The following CAMTA1 variants were observed in gnomAD, a reference collection of about 807,000 sequenced individuals.
CAMTA1 encodes the protein calmodulin-binding transcription activator 1.
A neutral mutation model predicts 170.9 loss-of-function variants in CAMTA1; 27 were observed. The observed-to-expected ratio is 0.16, with a 90% CI of 0.12 to 0.22. The LOEUF (loss-of-function observed/expected upper bound fraction) is 0.22, where lower values mean the gene tolerates loss of function less well. CAMTA1 is among the 10% of genes least tolerant of loss of function. The probability of loss-of-function intolerance (pLI) is 1.00; values close to 1 mark genes in which losing one functional copy is unlikely to be tolerated. For synonymous variants in CAMTA1, 833 were observed against 891.5 expected, an observed-to-expected ratio of 0.93 and a Z score of 1.17; for missense variants, 1,619 against 2,217.2, an observed-to-expected ratio of 0.73 and a Z score of 5.42.
chr1:6,927,656 G>A (rs1683584679), intron 3 of CAMTA1, among the ~76,000 whole-genome samples: 1 of 152,150 alleles, frequency 6.6e-6, no homozygotes, highest in African/African-American at 2.4e-5. Context: ...CTTTACCATG[G>A]CCTGACATCC....
At chr1:7,135,781 G>C (rs116052338) in intron 4 of CAMTA1, among the ~76,000 whole-genome samples, 1 of 152,046 alleles carries the variant, frequency 6.6e-6, no homozygotes, top group Non-Finnish European at 1.5e-5. Flanking sequence ...TCTATCTGTC[G>C]TAATTCATGA....
At chr1:7,364,346 C>A (rs933009824) in intron 5 of CAMTA1, among the ~76,000 whole-genome samples, 1 of 152,146 alleles carries the variant, frequency 6.6e-6, no homozygotes, top group African/African-American at 2.4e-5. Context: ...GATCAAGACA[C>A]CAGCAGATTT....
Position 7,251,023 on chromosome 1 carries a change from G to A in CAMTA1, c.438+1397G>A, listed in dbSNP as rs1666550192. Reference sequence around the variant, plus strand: ...CTCATCTCCTACGCTGGAGGGAGAGGTAGAGAGTGAGGCAAGGCTGGGTGG... The same window carrying A: ...CTCATCTCCTACGCTGGAGGGAGAGATAGAGAGTGAGGCAAGGCTGGGTGG... On this transcript the variant is annotated intron_variant, in intron 5 of 22. Coordinates refer to ENST00000303635, the MANE Select transcript of CAMTA1 (RefSeq NM_015215.4). The surrounding 1 kb of genome is among the most constrained non-coding windows in gnomAD (Gnocchi z 5.1). 6.6e-6 allele frequency among the ~76,000 whole-genome samples: 1 copy of A among 152,190 alleles called. No individual in the cohort carries two copies. The highest frequency in any genetic ancestry group is 6.5e-5 in the Admixed American group (1 of 15,286).
chr1:6,905,786 G>T (rs1678330864), intron 3 of CAMTA1, among the ~76,000 whole-genome samples: 1 of 152,212 alleles, frequency 6.6e-6, no homozygotes, highest in Non-Finnish European at 1.5e-5. Context: ...GTTAGTGCCT[G>T]CATCTCTTAT....
chr1:7,261,220 A>G (rs1668113390), intron 5 of CAMTA1, among the ~76,000 whole-genome samples: 3 of 152,056 alleles, frequency 2.0e-5, no homozygotes, highest in Admixed American at 6.5e-5. Context: ...CTGGTTCCTT[A>G]CATCCTTTGT....
intron 3 of CAMTA1, among the ~76,000 whole-genome samples, chr1:6,930,476 T>C (rs1684199970): frequency 6.6e-6 from 1 of 152,210 alleles, no homozygotes; most frequent in Non-Finnish European, 1.5e-5. Context: ...AGAAACAGAA[T>C]CACATTTAAT....
chr1:6,980,217 CG>C, intron 3 of CAMTA1, among the ~76,000 whole-genome samples: 1 of 152,250 alleles, frequency 6.6e-6, no homozygotes, highest in African/African-American at 2.4e-5. Flanking sequence ...GGGGTGGAGT[CG>C]AGGGCAGGTG....
In CAMTA1 at chr1:6,970,618, G is replaced by A. The variant is rs868207598; in HGVS notation, c.235-120686G>A. ...GAAGACTCCACAGAACTGATGTTGG[G>A]ATGGGAGAGACAAGCAGGCAATAGT... On this transcript the variant is annotated intron_variant, in intron 3 of 22. Transcript: ENST00000303635. The surrounding 1 kb of genome is among the most constrained non-coding windows in gnomAD (Gnocchi z 4.4). Among the ~76,000 whole-genome samples, 2 of 152,174 alleles carry A rather than the reference G, an allele frequency of 1.3e-5. No homozygotes were observed. Among genetic ancestry groups the A allele is most frequent in the South Asian group, 4.1e-4 (2 of 4,828 alleles).
chr1:7,309,325 A>C (rs1395821134), intron 5 of CAMTA1, among the ~76,000 whole-genome samples: 2 of 101,568 alleles, frequency 2.0e-5, no homozygotes, highest in African/African-American at 3.9e-5. Flanking sequence ...TTTGAGACGG[A>C]GTCTCGCTCT....
intron 3 of CAMTA1, among the ~76,000 whole-genome samples, chr1:6,985,214 T>G (rs961877735): frequency 6.6e-6 from 1 of 152,180 alleles, no homozygotes; most frequent in African/African-American, 2.4e-5. Flanking sequence ...GGAAGAGAAC[T>G]GCAGCTGTAG....
intron 6 of CAMTA1, among the ~76,000 whole-genome samples, chr1:7,509,499 T>C (rs886619703): frequency 2.0e-5 from 3 of 152,174 alleles, no homozygotes; most frequent in African/African-American, 7.2e-5. Context: ...CCCCTCCTGG[T>C]TTACTCTATT....
intron 1 of CAMTA1, among the ~76,000 whole-genome samples, chr1:6,815,039 G>C (rs1359950556): frequency 2.6e-5 from 4 of 151,936 alleles, no homozygotes; most frequent in African/African-American, 4.8e-5. Context: ...TTGATAGCCA[G>C]GTAGTTACTG....
intron 6 of CAMTA1, among the ~76,000 whole-genome samples, chr1:7,618,528 C>T (rs1012235861): frequency 3.9e-5 from 6 of 152,206 alleles, no homozygotes; most frequent in African/African-American, 7.2e-5. Flanking sequence ...TCGTCTCCCT[C>T]GTTTTCAAGG....
Position 6,970,326 on chromosome 1 carries a change from G to C in CAMTA1, c.235-120978G>C, listed in dbSNP as rs953490997. Among the ~76,000 whole-genome samples the C allele has an allele frequency of 6.6e-6, 1 of 152,144 alleles. No individual in the cohort carries two copies. Among genetic ancestry groups the C allele is most frequent in the Non-Finnish European group, 1.5e-5 (1 of 68,024 alleles). ...CGGGACCTTATGTCCTGCTTTGCTTGCACGACGTGCCATAAGCATCCTCCA... is the reference window on the plus strand; with the variant it reads ...CGGGACCTTATGTCCTGCTTTGCTTCCACGACGTGCCATAAGCATCCTCCA... On this transcript the variant is annotated intron_variant, in intron 3 of 22. Coordinates refer to ENST00000303635, the MANE Select transcript of CAMTA1 (RefSeq NM_015215.4). The surrounding 1 kb of genome is among the most constrained non-coding windows in gnomAD (Gnocchi z 4.4).
rs533475957 is a variant in CAMTA1 at position 7,663,856 on chromosome 1, T to A, written c.1309T>A (p.Ser437Thr). 8.1e-6 allele frequency: 13 copies of A among 1,614,006 alleles called. No individual in the cohort carries two copies. The East Asian group carries it at 2.2e-4, about 28-fold the overall frequency. The change falls in exon 9 of 23, where the codon TCT becomes ACT. Residue 437 changes from serine to threonine, a missense_variant. Ser to Thr is a moderately conservative substitution (Grantham distance 58). Around this residue, in one of 8 missense-constraint regions of CAMTA1, gnomAD observed 731 missense variants for 907.6 expected, o/e 0.81. Transcript: ENST00000303635. ...TCAGGGCCTCGTCCTGGCCGTGAGC[T>A]CTGATGGCCACAAGTTCGCCTTTCC... is the stretch of plus-strand genomic sequence containing the variant. Reference protein sequence around the residue: ...ASQGLVLAVSSDGHKFAFPTT... With the variant: ...ASQGLVLAVSTDGHKFAFPTT...
Position 6,820,183 on chromosome 1 carries a change from C to G in CAMTA1, c.48C>G (p.Ser16Arg). 6.6e-7 allele frequency: 1 copy of G among 1,514,944 alleles called. No homozygotes were observed. Among genetic ancestry groups the G allele is most frequent in the Non-Finnish European group, 9.2e-7 (1 of 1,089,570 alleles). The allele number at this position is 1,514,944 out of a possible 1,614,324, so 93.8% of individuals were successfully genotyped here. Reference protein sequence around the residue: ...GKWLPKTSRKSVSQSVFCGTS... With the variant: ...GKWLPKTSRKRVSQSVFCGTS... Reference sequence around the variant, plus strand: ...CATTTTATTTTCTGTTTCCTTAGAGCGTTTCCCAAAGTGTATTCTGCGGAA... The same window carrying G: ...CATTTTATTTTCTGTTTCCTTAGAGGGTTTCCCAAAGTGTATTCTGCGGAA... Residue 16 changes from serine (S) to arginine (R), a missense_variant and splice_region_variant, in exon 2 of 23, where the codon AGC (serine) becomes AGG (arginine). Coordinates refer to ENST00000303635, the MANE Select transcript of CAMTA1 (RefSeq NM_015215.4).
intron 4 of CAMTA1, among the ~76,000 whole-genome samples, chr1:7,190,536 T>C (rs1407990771): frequency 6.6e-6 from 1 of 152,204 alleles, no homozygotes; most frequent in Non-Finnish European, 1.5e-5. Context: ...TAGTTGACTG[T>C]GATTACTTCT....
At chr1:7,182,344 T>C (rs1052767636) in intron 4 of CAMTA1, among the ~76,000 whole-genome samples, 1 of 151,976 alleles carries the variant, frequency 6.6e-6, no homozygotes, top group Non-Finnish European at 1.5e-5. Flanking sequence ...AGTTCGAGAC[T>C]AGCCTGGGCA....
At chr1:7,379,474 C>G (rs1438130504) in intron 5 of CAMTA1, among the ~76,000 whole-genome samples, 1 of 152,124 alleles carries the variant, frequency 6.6e-6, no homozygotes, top group South Asian at 2.1e-4. Flanking sequence ...GAAGTTTCTT[C>G]TTTGGTGATG....
Sources: gnomAD v4.1 joint callset for allele counts (sites outside exome capture counted in the v4.1 genomes callset) on GRCh38, gnomAD v4.1.1 for gene constraint, gnomAD v4.1.1 regional missense constraint, Gnocchi (gnomAD v3.1) non-coding constraint, MANE v1.5 for transcripts, NCBI Gene and HGNC (gene_info 2026-07-23, HGNC 2026-07-21) for gene names.